The following MECOM variants were observed in gnomAD, a reference collection of about 807,000 sequenced individuals.
MECOM encodes the protein histone-lysine N-methyltransferase MECOM.
In MECOM, 13 loss-of-function variants were observed where a neutral mutation model predicts 116.3. The observed-to-expected ratio is 0.11, with a 90% CI of 0.07 to 0.18. MECOM has a LOEUF of 0.18. Among genes scored for constraint, MECOM ranks in the 10% least tolerant of loss-of-function variants. The pLI is 1.00. For missense variants in MECOM, 1,299 were observed against 1,509.0 expected (o/e 0.86, Z 2.31); for synonymous variants, 528 against 535.2 (o/e 0.99, Z 0.19).
At chr3:169,216,846 TAAAACA>T (rs199639650) in intron 2 of MECOM, among the ~76,000 whole-genome samples, 2 of 150,552 alleles carry the variant, frequency 1.3e-5, no homozygotes, top group South Asian at 2.1e-4. Context: ...TGTTTATCTG[TAAAACA>T]AAAACAAAAA....
At chr3:169,416,638 G>C (rs1391182620) in intron 1 of MECOM, among the ~76,000 whole-genome samples, 1 of 151,600 alleles carries the variant, frequency 6.6e-6, no homozygotes, top group African/African-American at 2.4e-5. Flanking sequence ...CTTCTAGCTA[G>C]ACTAATAAGG....
chr3:169,391,648 T>C (rs189685422), intron 1 of MECOM, among the ~76,000 whole-genome samples: 1 of 152,214 alleles, frequency 6.6e-6, no homozygotes, highest in African/African-American at 2.4e-5. Flanking sequence ...AGATGTGCTA[T>C]GCATATGTGT....
chr3:169,609,390 T>C (rs1199606298), intron 1 of MECOM, among the ~76,000 whole-genome samples: 1 of 152,198 alleles, frequency 6.6e-6, no homozygotes, highest in Non-Finnish European at 1.5e-5. Context: ...AGTTGCCCCA[T>C]ATCACTGGGT....
At chr3:169,369,561 G>C (rs965967611) in intron 2 of MECOM, among the ~76,000 whole-genome samples, 3 of 151,614 alleles carry the variant, frequency 2.0e-5, no homozygotes, top group African/African-American at 7.3e-5. Flanking sequence ...TGTTGCCCAG[G>C]CTGGTCTCAA....
intron 1 of MECOM, among the ~76,000 whole-genome samples, chr3:169,504,178 T>TGTGTGTGTGG (rs1754913983): frequency 1.3e-5 from 2 of 148,756 alleles, no homozygotes; most frequent in Admixed American, 1.3e-4. Context: ...TGTGTGTGTG[T>TGTGTGTGTGG]GTGTGTGTGT....
At chr3:169,201,257 ATGTGTG>A (rs59517316) in intron 2 of MECOM, among the ~76,000 whole-genome samples, 94 of 149,646 alleles carry the variant, frequency 6.3e-4, no homozygotes, top group African/African-American at 9.5e-4. Flanking sequence ...TTTAGACAAG[ATGTGTG>A]TGTGTGTGTG....
At chr3:169,502,070 A>G (rs1475724216) in intron 1 of MECOM, among the ~76,000 whole-genome samples, 1 of 152,166 alleles carries the variant, frequency 6.6e-6, no homozygotes, top group East Asian at 1.9e-4. Context: ...AACATTATTT[A>G]TGATCCTCAT....
intron 2 of MECOM, among the ~76,000 whole-genome samples, chr3:169,186,379 AGGGAGGGAGGGAGGGAGGGAGGGAG>A (rs1746758917): frequency 3.3e-5 from 1 of 30,422 alleles, no homozygotes; most frequent in Non-Finnish European, 6.5e-5. Flanking sequence ...GAAGGAAGGA[AGGGAGGGAGGGAGGGAGGGAGGGAG>A]GGAGGGAGGG....
intron 1 of MECOM, among the ~76,000 whole-genome samples, chr3:169,419,655 A>G (rs1203217711): frequency 6.6e-6 from 1 of 152,116 alleles, no homozygotes; most frequent in South Asian, 2.1e-4. Flanking sequence ...CATAAAAACC[A>G]TAGAAGAAAA....
At chr3:169,541,679 GC>G in intron 1 of MECOM, among the ~76,000 whole-genome samples, 1 of 152,266 alleles carries the variant, frequency 6.6e-6, no homozygotes, top group Non-Finnish European at 1.5e-5. Flanking sequence ...CATTCCGGAT[GC>G]CCCTTTTCAA....
chr3:169,414,308 G>A (rs1313699484), intron 1 of MECOM, among the ~76,000 whole-genome samples: 1 of 151,478 alleles, frequency 6.6e-6, no homozygotes, highest in Admixed American at 6.6e-5. Flanking sequence ...CTGACTGTTA[G>A]AAGAAAACTA....
chr3:169,490,081 C>A (rs1167572720), intron 1 of MECOM, among the ~76,000 whole-genome samples: 6 of 152,018 alleles, frequency 3.9e-5, no homozygotes, highest in Non-Finnish European at 8.8e-5. Context: ...ACCTGAATGG[C>A]CAATAAACAT....
At chr3:169,406,390 T>G (rs1402031209) in intron 1 of MECOM, among the ~76,000 whole-genome samples, 1 of 152,224 alleles carries the variant, frequency 6.6e-6, no homozygotes, top group Non-Finnish European at 1.5e-5. Flanking sequence ...CAGCTTATAT[T>G]CTATGAGTCC....
At chr3:169,086,034 T>G (rs984528179) in intron 16 of MECOM, among the ~76,000 whole-genome samples, 8 of 152,208 alleles carry the variant, frequency 5.3e-5, no homozygotes, top group African/African-American at 1.9e-4. Flanking sequence ...TTAGGCAGAA[T>G]TTCATCTCTG....
chr3:169,199,391 T>C (rs1748862157), intron 2 of MECOM, among the ~76,000 whole-genome samples: 1 of 151,890 alleles, frequency 6.6e-6, no homozygotes, highest in Non-Finnish European at 1.5e-5. Flanking sequence ...AGAGGAAACA[T>C]GTTAACTTCT....
chr3:169,651,116 C>A (rs1774851003), intron 1 of MECOM, among the ~76,000 whole-genome samples: 1 of 152,106 alleles, frequency 6.6e-6, no homozygotes, highest in Non-Finnish European at 1.5e-5. Flanking sequence ...CAACTTTTCC[C>A]CACTCAGTGT....
intron 1 of MECOM, among the ~76,000 whole-genome samples, chr3:169,505,305 G>A (rs1755057324): frequency 8.5e-6 from 1 of 117,456 alleles, no homozygotes; most frequent in African/African-American, 3.8e-5. Flanking sequence ...TCTTAGAGCA[G>A]GAATTTTTTT....
chr3:169,329,873 C>T (rs908479581), intron 2 of MECOM, among the ~76,000 whole-genome samples: 3 of 152,128 alleles, frequency 2.0e-5, no homozygotes, highest in African/African-American at 7.2e-5. Flanking sequence ...CCTATAAGAA[C>T]CAAGTGAGGG....
intron 2 of MECOM, among the ~76,000 whole-genome samples, chr3:169,246,799 G>T (rs1169550885): frequency 3.9e-5 from 6 of 152,126 alleles, no homozygotes; most frequent in Non-Finnish European, 7.3e-5. Flanking sequence ...GATTACAGGT[G>T]TGAGCCACTG....
Sources: gnomAD v4.1 joint callset for allele counts (sites outside exome capture counted in the v4.1 genomes callset) on GRCh38, gnomAD v4.1.1 for gene constraint, MANE v1.5 for transcripts, NCBI Gene and HGNC (gene_info 2026-07-23, HGNC 2026-07-21) for gene names.